MLIP: variants seen among roughly 807,000 people sequenced by gnomAD.
MLIP encodes the protein muscular LMNA-interacting protein.
Under a neutral mutation model 84.8 loss-of-function variants are expected in MLIP, and 79 were observed. The observed-to-expected ratio is 0.93, with a 90% CI of 0.78 to 1.12. The LOEUF is 1.12. Among genes scored for constraint, MLIP ranks in the 50% most tolerant of loss-of-function variants. The probability of loss-of-function intolerance (pLI) is 0.00; values close to 1 mark genes in which losing one functional copy is unlikely to be tolerated. For synonymous variants in MLIP, 504 were observed against 463.0 expected (o/e 1.09, Z -1.14); for missense variants, 1,257 against 1,160.6 (o/e 1.08, Z -1.21).
At chr6:54,083,595 G>C in intron 1 of MLIP, 1 of 1,535,970 alleles carries the variant, frequency 6.5e-7, no homozygotes, top group Non-Finnish European at 8.7e-7. Context: ...TGTGCAGCTG[G>C]TACCTTGGAT....
chr6:54,201,844 G>A (rs1014777068), intron 10 of MLIP, among the ~76,000 whole-genome samples: 2 of 152,120 alleles, frequency 1.3e-5, no homozygotes, highest in African/African-American at 2.4e-5. Flanking sequence ...ACCAGCAAGG[G>A]TAGAACATGT....
intron 1 of MLIP, chr6:54,046,483 A>G (rs952884229): frequency 9.2e-5 from 14 of 152,176 alleles, no homozygotes; most frequent in Middle Eastern, 3.2e-3. Context: ...TTCAAACTGT[A>G]TCTTTTCTTA....
chr6:54,257,425 A>G, intron 13 of MLIP, 64 bp downstream of exon 13: 2 of 1,262,786 alleles, frequency 1.6e-6, no homozygotes, highest in Non-Finnish European at 2.3e-6. Flanking sequence ...AAATAAACCA[A>G]TCTTATTTTT....
rs560196966 is a variant in MLIP at position 54,201,227 on chromosome 6, T to G, written c.2590-878T>G. Reference sequence around the variant, plus strand: ...TACAAGCTTAAGAATCTCGAGTGACTGATGTATTAGCTAAAATTCTTTGGA... The same window carrying G: ...TACAAGCTTAAGAATCTCGAGTGACGGATGTATTAGCTAAAATTCTTTGGA... On this transcript the variant is annotated intron_variant, in intron 10 of 13. Transcript: ENST00000502396. Among the ~76,000 whole-genome samples the G allele has an allele frequency of 1.3e-4, 20 of 152,304 alleles. No individual in the cohort carries two copies. In the South Asian group the frequency reaches 3.9e-3, roughly 30 times the overall value.
At chr6:54,114,715 A>G (rs1052278902) in intron 1 of MLIP, among the ~76,000 whole-genome samples, 2 of 152,188 alleles carry the variant, frequency 1.3e-5, no homozygotes, top group Admixed American at 1.3e-4. Context: ...CTAGAATATA[A>G]ACTCCATGAG....
intron 1 of MLIP, among the ~76,000 whole-genome samples, chr6:54,071,017 C>G (rs944822836): frequency 2.6e-5 from 4 of 152,052 alleles, no homozygotes; most frequent in Non-Finnish European, 5.9e-5. Context: ...TATTCATAGA[C>G]CCCTTAGACA....
At chr6:54,251,782 A>G (rs1453761433) in intron 12 of MLIP, among the ~76,000 whole-genome samples, 1 of 98,314 alleles carries the variant, frequency 1.0e-5, no homozygotes, top group Non-Finnish European at 1.8e-5. Context: ...ATATTATAAC[A>G]TATAATATAT....
At chr6:54,183,735 C>G (rs1013686308) in intron 9 of MLIP, among the ~76,000 whole-genome samples, 2 of 139,538 alleles carry the variant, frequency 1.4e-5, no homozygotes, top group South Asian at 4.7e-4. Context: ...GATATTTAGA[C>G]AGGGTAAGTT....
intron 1 of MLIP, chr6:54,047,399 T>G (rs1434018907): frequency 6.6e-6 from 1 of 152,196 alleles, no homozygotes; most frequent in Non-Finnish European, 1.5e-5. Flanking sequence ...CAATTTAATT[T>G]ATTCCCAGCA....
intron 1 of MLIP, among the ~76,000 whole-genome samples, chr6:54,035,202 C>T (rs1422880182): frequency 6.6e-6 from 1 of 152,130 alleles, no homozygotes; most frequent in Non-Finnish European, 1.5e-5. Flanking sequence ...GAATCTCTGT[C>T]ATTAAGCGAT....
chr6:54,197,320 T>C (rs962464632), intron 10 of MLIP, among the ~76,000 whole-genome samples: 31 of 152,182 alleles, frequency 2.0e-4, no homozygotes, highest in Admixed American at 2.6e-4. Context: ...GGTTATCTTA[T>C]GATTTATTCA....
chr6:54,170,900 TGGGTACA>T (rs1775702549), intron 9 of MLIP, among the ~76,000 whole-genome samples: 2 of 151,498 alleles, frequency 1.3e-5, no homozygotes, highest in South Asian at 4.1e-4. Context: ...GAGTCGTTAG[TGGGTACA>T]AGAAAAGAAA....
chr6:54,052,012 C>T (rs1363375864), intron 1 of MLIP, among the ~76,000 whole-genome samples: 1 of 152,098 alleles, frequency 6.6e-6, no homozygotes, highest in Non-Finnish European at 1.5e-5. Flanking sequence ...TAATCAGTGT[C>T]TGATTTTCTC....
At chr6:54,232,007 G>T (rs769620689) in intron 12 of MLIP, among the ~76,000 whole-genome samples, 1 of 151,920 alleles carries the variant, frequency 6.6e-6, no homozygotes, top group Non-Finnish European at 1.5e-5. Context: ...TAAAATATCA[G>T]TTTTTTGCCA....
chr6:54,147,291 A>G (rs924926141), intron 4 of MLIP, among the ~76,000 whole-genome samples: 1 of 152,186 alleles, frequency 6.6e-6, no homozygotes, highest in African/African-American at 2.4e-5. Flanking sequence ...TTTTCTTAAT[A>G]ACTGTCTAGT....
At chr6:54,244,628 A>G (rs1167475261) in intron 12 of MLIP, among the ~76,000 whole-genome samples, 2 of 152,206 alleles carry the variant, frequency 1.3e-5, no homozygotes, top group Non-Finnish European at 2.9e-5. Flanking sequence ...GCATTTCAAC[A>G]GAATACATGC....
At chr6:54,174,940 G>A (rs1415942865) in intron 9 of MLIP, among the ~76,000 whole-genome samples, 1 of 151,866 alleles carries the variant, frequency 6.6e-6, no homozygotes, top group African/African-American at 2.4e-5. Flanking sequence ...CAAGATATAG[G>A]GGGTCTAGTT....
intron 1 of MLIP, among the ~76,000 whole-genome samples, chr6:54,098,130 T>C (rs1768347023): frequency 6.8e-6 from 1 of 146,660 alleles, no homozygotes; most frequent in African/African-American, 2.5e-5. Flanking sequence ...GAATGTTAAG[T>C]CTTGGGGATT....
chr6:54,174,427 G>A (rs893827529), intron 9 of MLIP, among the ~76,000 whole-genome samples: 1 of 151,626 alleles, frequency 6.6e-6, no homozygotes, highest in Non-Finnish European at 1.5e-5. Context: ...CCTGTCTTTT[G>A]GATTAAACCC....
Sources: allele counts gnomAD v4.1 joint callset (sites outside exome capture counted in the v4.1 genomes callset), GRCh38; gene constraint gnomAD v4.1.1; transcripts MANE v1.5; gene names NCBI Gene and HGNC (gene_info 2026-07-23, HGNC 2026-07-21).